Variants in CDKL1 observed in about 807,000 individuals in gnomAD.
The protein encoded by CDKL1 is cyclin dependent kinase like 1, also known as cyclin-dependent kinase-like 1.
Under a neutral mutation model 42.0 loss-of-function variants are expected in CDKL1, and 41 were observed. The observed-to-expected ratio is 0.98, with a 90% CI of 0.76 to 1.27. The LOEUF is 1.27. Ranked by LOEUF, CDKL1 falls within the 50% of genes most tolerant of loss-of-function variation. The pLI, the probability that CDKL1 is intolerant of heterozygous loss-of-function variation, is 0.00. For synonymous variants in CDKL1, 153 were observed against 158.6 expected (o/e 0.96, Z 0.26); for missense variants, 394 against 428.4 (o/e 0.92, Z 0.71).
rs2032848248 is a variant in CDKL1, at chr14:50,330,008, G to A, written c.*66C>T. On this transcript the variant is annotated 3_prime_UTR_variant, in exon 10 of 10. Coordinates refer to ENST00000395834, the MANE Select transcript of CDKL1 (RefSeq NM_004196.7). ...ACATTGTAATTGTTTTCAATCAACT[G>A]TATAAGTTTTATTTTCTTCAAAGCA... 3 of 1,552,556 alleles carry A rather than the reference G, an allele frequency of 1.9e-6. No homozygotes were observed. The highest frequency in any genetic ancestry group is 2.6e-6 in the Non-Finnish European group (3 of 1,150,226).
In CDKL1 at chr14:50,395,693, TCAATTACCTTGAG is replaced by T. The variant is rs750739373; in HGVS notation, c.163_168+7del. 6.3e-7 allele frequency: 1 copy of T among 1,581,110 alleles called. No homozygotes were observed. Among genetic ancestry groups the T allele is most frequent in the African/African-American group, 1.4e-5 (1 of 73,698 alleles). ...AAAAAGAAAAAAAAGGAAAAGTGAA[TCAATTACCTTGAG>T]CATTCGGATTTCCCGAAGGGCAATT... On this transcript the variant is annotated splice_donor_variant and splice_donor_5th_base_variant and coding_sequence_variant and intron_variant, in exon 2 of 10. Coordinates refer to ENST00000395834, the MANE Select transcript of CDKL1 (RefSeq NM_004196.7). LOFTEE classifies it high-confidence loss of function.
intron 7 of CDKL1, chr14:50,335,458 G>C (rs2033213630): frequency 6.5e-7 from 1 of 1,535,514 alleles, no homozygotes; most frequent in African/African-American, 1.4e-5. Context: ...TCCCTTCTCA[G>C]CCTGCTGTTT....
At chr14:50,344,753 G>A (rs1481293149) in intron 4 of CDKL1, among the ~76,000 whole-genome samples, 1 of 152,066 alleles carries the variant, frequency 6.6e-6, no homozygotes, top group African/African-American at 2.4e-5. Flanking sequence ...ATTACATGCA[G>A]GAGCCACCAT....
intron 2 of CDKL1, among the ~76,000 whole-genome samples, chr14:50,363,591 C>T (rs1389847927): frequency 6.6e-6 from 1 of 152,226 alleles, no homozygotes; most frequent in Non-Finnish European, 1.5e-5. Flanking sequence ...CAGGATGTGA[C>T]ATTGAGGCCA....
At chr14:50,359,487 C>T (rs976472795) in intron 2 of CDKL1, among the ~76,000 whole-genome samples, 40 of 152,110 alleles carry the variant, frequency 2.6e-4, no homozygotes, top group African/African-American at 9.4e-4. Flanking sequence ...AATCTCCTCA[C>T]ACTGGTTCAG....
chr14:50,397,036 C>A (rs770712961), upstream of CDKL1: 7 of 1,270,154 alleles, frequency 5.5e-6, no homozygotes, highest in South Asian at 7.5e-5. Context: ...GGCCGCCCTC[C>A]GTCCATGGGA....
intron 9 of CDKL1, chr14:50,331,793 A>G: frequency 1.9e-6 from 1 of 533,942 alleles, no homozygotes; most frequent in Non-Finnish European, 3.3e-6. Flanking sequence ...TTCAGCTGAT[A>G]CCACCAAAAG....
chr14:50,382,479 T>G lies in CDKL1; in HGVS notation c.168+13222A>C, dbSNP rs2034942202. Among the ~76,000 whole-genome samples, 3 of 152,222 alleles carry G rather than the reference T, an allele frequency of 2.0e-5. No homozygotes were observed. In the South Asian group the frequency reaches 6.2e-4, roughly 32 times the overall value. ...AAAAAATTTTTTTTTTTCAAAAATTTAAAGTGAAAGACACAAGCCTTGCCC... is the reference window on the plus strand; with the variant it reads ...AAAAAATTTTTTTTTTTCAAAAATTGAAAGTGAAAGACACAAGCCTTGCCC... On this transcript the variant is annotated intron_variant, in intron 2 of 9. Transcript: ENST00000395834.
chr14:50,377,532 C>T (rs746099060), intron 2 of CDKL1: 20 of 1,288,704 alleles, frequency 1.6e-5, no homozygotes, highest in Admixed American at 2.3e-5. Flanking sequence ...AGTCTAAGAC[C>T]ATTGGTACCT....
At chr14:50,378,358 A>G in intron 2 of CDKL1, 2 of 1,366,300 alleles carry the variant, frequency 1.5e-6, no homozygotes, top group Non-Finnish European at 2.0e-6. Flanking sequence ...TGCACTCAAG[A>G]ATGACAAGAC....
chr14:50,382,055 T>G (rs1304740206), intron 2 of CDKL1, among the ~76,000 whole-genome samples: 2 of 152,170 alleles, frequency 1.3e-5, no homozygotes, highest in Non-Finnish European at 2.9e-5. Flanking sequence ...GACTTTAAGG[T>G]TAATAAGCAA....
Position 50,363,496 on chromosome 14 carries a change from T to C in CDKL1, c.169-4347A>G, listed in dbSNP as rs1228444273. ...CTAAATACTAACTTTATGATAGAAT[T>C]CGCAGAAAGCAGAAGTTTTCTTTCA... On this transcript the variant is annotated intron_variant, in intron 2 of 9. Coordinates refer to ENST00000395834, the MANE Select transcript of CDKL1 (RefSeq NM_004196.7). 2.0e-5 allele frequency among the ~76,000 whole-genome samples: 3 copies of C among 152,240 alleles called. No homozygotes were observed. The East Asian group carries it at 5.8e-4, about 29-fold the overall frequency.
chr14:50,387,936 G>C (rs576334216), intron 2 of CDKL1, among the ~76,000 whole-genome samples: 1 of 152,072 alleles, frequency 6.6e-6, no homozygotes, highest in Admixed American at 6.5e-5. Context: ...TTGCCCTGTC[G>C]CCCAGGCTGG....
chr14:50,336,285 G>C (rs780119026), intron 7 of CDKL1: 4 of 1,224,734 alleles, frequency 3.3e-6, no homozygotes, highest in Non-Finnish European at 4.2e-6. Context: ...CTGTCAACAG[G>C]AAATCTGCAG....
At chr14:50,379,011 G>T (rs995338048) in intron 2 of CDKL1, among the ~76,000 whole-genome samples, 1 of 151,970 alleles carries the variant, frequency 6.6e-6, no homozygotes, top group African/African-American at 2.4e-5. Flanking sequence ...ACCATCACAC[G>T]CAGCTAATTT....
chr14:50,386,533 T>G (rs2035086686), intron 2 of CDKL1, among the ~76,000 whole-genome samples: 1 of 152,200 alleles, frequency 6.6e-6, no homozygotes, highest in Non-Finnish European at 1.5e-5. Flanking sequence ...TGCAGTATTC[T>G]CTCCACTTCT....
chr14:50,378,554 GAC>G (rs1369268026), intron 2 of CDKL1: 1 of 760,016 alleles, frequency 1.3e-6, no homozygotes, highest in Non-Finnish European at 1.8e-6. Flanking sequence ...TTTTTATAGA[GAC>G]AGGGTCATAA....
At chr14:50,332,643 A>G (rs1350533127) in intron 8 of CDKL1, 15 of 1,526,608 alleles carry the variant, frequency 9.8e-6, no homozygotes, top group Non-Finnish European at 1.3e-5. Context: ...TAGTAATGAA[A>G]AATCATTTTC....
chr14:50,377,578 T>C, intron 2 of CDKL1: 1 of 1,348,016 alleles, frequency 7.4e-7, no homozygotes, highest in Non-Finnish European at 9.9e-7. Flanking sequence ...CAGAATGGAA[T>C]TCTGGAACTG....
Sources: gnomAD v4.1 joint callset for allele counts (sites outside exome capture counted in the v4.1 genomes callset) on GRCh38, gnomAD v4.1.1 for gene constraint, MANE v1.5 for transcripts, NCBI Gene and HGNC (gene_info 2026-07-23, HGNC 2026-07-21) for gene names.